P2RY8: variants seen among roughly 807,000 people sequenced by gnomAD.
P2RY8 encodes the protein P2Y receptor family member 8.
In P2RY8, 6 loss-of-function variants were observed where a neutral mutation model predicts 10.0. The ratio of observed to expected loss-of-function variants is 0.60; its 90% CI spans 0.33 to 1.19. The LOEUF (loss-of-function observed/expected upper bound fraction) is 1.19, where lower values mean the gene tolerates loss of function less well. Ranked by LOEUF, P2RY8 falls within the 50% of genes most tolerant of loss-of-function variation. The probability of loss-of-function intolerance (pLI) is 0.04; values close to 1 mark genes in which losing one functional copy is unlikely to be tolerated. For synonymous variants in P2RY8, 276 were observed against 252.5 expected (o/e 1.09, Z -0.88); for missense variants, 456 against 542.0 (o/e 0.84, Z 1.58).
At chrX:1,525,507 A>G (rs1487704494) in intron 1 of P2RY8, among the ~76,000 whole-genome samples, 2 of 152,168 alleles carry the variant, frequency 1.3e-5, no homozygotes, top group Non-Finnish European at 2.9e-5. Context: ...GGAGAGACGC[A>G]GGAAAGATTC....
rs1242201709 is a variant in P2RY8 at position 1,464,401 on chromosome X, GGTCCACACCT to G, written c.*1068_*1077del. 9 of 233,460 alleles carry G rather than the reference GGTCCACACCT, an allele frequency of 3.9e-5. No homozygotes were observed. The highest frequency in any genetic ancestry group is 2.0e-4 in the African/African-American group (9 of 45,342). The allele number at this position is 233,460 out of a possible 1,614,324, so 14.5% of individuals were successfully genotyped here. On this transcript the variant is annotated 3_prime_UTR_variant, in exon 2 of 2. Transcript: ENST00000381297. ...GGCTGACACCCCTGTAGGTTCCTGGGGTCCACACCTGCATCTGCTGCTTGGTCTCCAAACG... is the reference window on the plus strand; with the variant it reads ...GGCTGACACCCCTGTAGGTTCCTGGGGCATCTGCTGCTTGGTCTCCAAACG...
Position 1,467,438 on chromosome X carries a change from C to T in P2RY8, c.-24-856G>A, listed in dbSNP as rs772643415. Among the ~76,000 whole-genome samples the T allele has an allele frequency of 2.0e-5, 3 of 152,248 alleles. No individual in the cohort carries two copies. The East Asian group carries it at 5.8e-4, about 29-fold the overall frequency. On this transcript the variant is annotated intron_variant, in intron 1 of 1. Transcript: ENST00000381297. ...CAGGTGTGAAACCTACAGTTATGCA[C>T]GAGTCAGCACCGCTCCCCACGGCCA... is the stretch of plus-strand genomic sequence containing the variant.
chrX:1,467,570 T>C lies in P2RY8; in HGVS notation c.-24-988A>G, dbSNP rs557762639. Among the ~76,000 whole-genome samples, 38 of 152,372 alleles carry C rather than the reference T, an allele frequency of 2.5e-4. 1 individual carries two copies. Among genetic ancestry groups the C allele is most frequent in the African/African-American group, 9.1e-4 (38 of 41,594 alleles). On this transcript the variant is annotated intron_variant, in intron 1 of 1. Coordinates refer to ENST00000381297, the MANE Select transcript of P2RY8 (RefSeq NM_178129.5). Reference sequence around the variant, plus strand: ...GGGACGTCTGGAAGGAGAGACGCTTTATCCATGAGCTGGTGATGAAAAAGT... The same window carrying C: ...GGGACGTCTGGAAGGAGAGACGCTTCATCCATGAGCTGGTGATGAAAAAGT...
chrX:1,506,031 C>T, intron 1 of P2RY8, among the ~76,000 whole-genome samples: 1 of 142,028 alleles, frequency 7.0e-6, no homozygotes, highest in South Asian at 2.3e-4. Flanking sequence ...CACACTCCGT[C>T]ACCCAGGCTG....
At chrX:1,519,560 T>G (rs1449888169) in intron 1 of P2RY8, among the ~76,000 whole-genome samples, 8 of 151,372 alleles carry the variant, frequency 5.3e-5, no homozygotes, top group Non-Finnish European at 1.0e-4. Flanking sequence ...AGTCATCTCC[T>G]TGGTCTCCAA....
intron 1 of P2RY8, chrX:1,494,175 G>C (rs1404975504): frequency 6.6e-6 from 1 of 152,258 alleles, no homozygotes; most frequent in Non-Finnish European, 1.5e-5. Context: ...GCTAGGCAGG[G>C]GGTCCTGGGG....
intron 1 of P2RY8, among the ~76,000 whole-genome samples, chrX:1,496,016 C>G (rs2092113422): frequency 6.6e-6 from 1 of 152,170 alleles, no homozygotes; most frequent in Non-Finnish European, 1.5e-5. Flanking sequence ...ACCTGGATCT[C>G]AGACCTCCAG....
rs187417787 is a variant in P2RY8, at chrX:1,511,226, A to C, written c.-25+25695T>G. On this transcript the variant is annotated intron_variant, in intron 1 of 1. Transcript: ENST00000381297. Reference sequence around the variant, plus strand: ...AAAGAAAACACCTTTTGATATAGACAGCCTCATTGGGGCACATTAAAGGTT... The same window carrying C: ...AAAGAAAACACCTTTTGATATAGACCGCCTCATTGGGGCACATTAAAGGTT... 5.8e-3 allele frequency among the ~76,000 whole-genome samples: 886 copies of C among 152,264 alleles called. 14 individuals carry two copies. Among genetic ancestry groups the C allele is most frequent in the African/African-American group, 0.02 (837 of 41,562 alleles).
At chrX:1,521,075 G>T (rs145349652) in intron 1 of P2RY8, among the ~76,000 whole-genome samples, 2 of 119,376 alleles carry the variant, frequency 1.7e-5, no homozygotes, top group Admixed American at 1.2e-4. Flanking sequence ...TCACACTGTC[G>T]CCAGGCTGGA....
chrX:1,523,104 A>AATAC (rs1275157555), intron 1 of P2RY8, among the ~76,000 whole-genome samples: 1 of 151,138 alleles, frequency 6.6e-6, no homozygotes, highest in African/African-American at 2.4e-5. Context: ...TAAATAAATA[A>AATAC]ATAAATAAAT....
chrX:1,487,849 G>A (rs2092000326), intron 1 of P2RY8, among the ~76,000 whole-genome samples: 2 of 152,268 alleles, frequency 1.3e-5, no homozygotes, highest in South Asian at 2.1e-4. Flanking sequence ...GGTGGCTCAC[G>A]CCTGTCATCC....
intron 1 of P2RY8, among the ~76,000 whole-genome samples, chrX:1,516,538 G>A (rs1199060495): frequency 1.3e-5 from 2 of 148,924 alleles, no homozygotes; most frequent in African/African-American, 5.0e-5. Flanking sequence ...AGGAGATGAG[G>A]ACACAGACAC....
In P2RY8 at chrX:1,471,784, G is replaced by A. The variant is rs755210716; in HGVS notation, c.-24-5202C>T. Among the ~76,000 whole-genome samples, 5 of 152,260 alleles carry A rather than the reference G, an allele frequency of 3.3e-5. No homozygotes were observed. The East Asian group carries it at 9.7e-4, about 29-fold the overall frequency. ...AAGGCATCTCCTCGTGGGCAGCAGG[G>A]ATTGCATGCCGGTGACAGACCCTTT... On this transcript the variant is annotated intron_variant, in intron 1 of 1. Coordinates refer to ENST00000381297, the MANE Select transcript of P2RY8 (RefSeq NM_178129.5).
At chrX:1,512,691 G>C (rs2092308062) in intron 1 of P2RY8, among the ~76,000 whole-genome samples, 1 of 152,016 alleles carries the variant, frequency 6.6e-6, no homozygotes, top group South Asian at 2.1e-4. Flanking sequence ...TGTCTTACAT[G>C]GTGGCAAGCA....
At chrX:1,482,539 G>T (rs2091947065) in intron 1 of P2RY8, among the ~76,000 whole-genome samples, 1 of 152,190 alleles carries the variant, frequency 6.6e-6, no homozygotes, top group Non-Finnish European at 1.5e-5. Flanking sequence ...CTCTAGACAT[G>T]AAGTCCTTGC....
intron 1 of P2RY8, among the ~76,000 whole-genome samples, chrX:1,503,589 G>A (rs1238603064): frequency 4.6e-5 from 7 of 151,306 alleles, no homozygotes; most frequent in Admixed American, 1.3e-4. Context: ...GGTAAACCCC[G>A]TCTCTACTAA....
intron 1 of P2RY8, among the ~76,000 whole-genome samples, chrX:1,512,546 C>A (rs868714861): frequency 6.1e-3 from 592 of 96,882 alleles, no homozygotes; most frequent in African/African-American, 1.0e-2. Flanking sequence ...GACTCCGTCT[C>A]AAAAAAAAAA....
At position 1,466,413 on chromosome X, in the gene P2RY8, C is replaced by T; in HGVS notation, c.146G>A (p.Cys49Tyr). The T allele has an allele frequency of 1.2e-6, 2 of 1,613,346 alleles. No individual in the cohort carries two copies. Among genetic ancestry groups the T allele is most frequent in the Non-Finnish European group, 1.7e-6 (2 of 1,179,854 alleles). Residue 49 changes from cysteine (C) to tyrosine (Y), a missense_variant, in exon 2 of 2, where the codon TGC (cysteine) becomes TAC (tyrosine). Transcript: ENST00000381297. ...CGGGGATCTGGGCCCCATGCGCCGG[C>T]ACAGCACCCACAGAGAGAAGAGGTT... Reference protein sequence around the residue: ...PGNLFSLWVLCRRMGPRSPSV... With the variant: ...PGNLFSLWVLYRRMGPRSPSV...
chrX:1,480,635 C>A (rs190145910), intron 1 of P2RY8, among the ~76,000 whole-genome samples: 1 of 151,904 alleles, frequency 6.6e-6, no homozygotes, highest in African/African-American at 2.4e-5. Context: ...AACACATGGA[C>A]ACAGGGAGGG....
Sources: allele counts gnomAD v4.1 joint callset (sites outside exome capture counted in the v4.1 genomes callset), GRCh38; gene constraint gnomAD v4.1.1; transcripts MANE v1.5; gene names NCBI Gene and HGNC (gene_info 2026-07-23, HGNC 2026-07-21).